The following KDM4C variants were observed in gnomAD, a reference collection of about 807,000 sequenced individuals.
The protein encoded by KDM4C is lysine-specific demethylase 4C.
In KDM4C, 81 loss-of-function variants were observed where a neutral mutation model predicts 129.3. The ratio of observed to expected loss-of-function variants is 0.63; its 90% CI spans 0.52 to 0.75. The LOEUF is 0.75. Ranked by LOEUF, KDM4C falls within the 30% of genes least tolerant of loss-of-function variation. The pLI is 0.00. For missense variants in KDM4C, 1,457 were observed against 1,304.0 expected (o/e 1.12, Z -1.81); for synonymous variants, 573 against 456.1 (o/e 1.26, Z -3.26).
intron 6 of KDM4C, among the ~76,000 whole-genome samples, chr9:6,882,107 G>C (rs1029569271): frequency 1.3e-5 from 2 of 152,146 alleles, no homozygotes; most frequent in Non-Finnish European, 2.9e-5. Context: ...ATCTAATAAA[G>C]CCAGGAGTTT....
At chr9:7,013,761 C>G (rs909002518) in intron 13 of KDM4C, 27 bp from the exon 14 acceptor site, 12 of 1,604,862 alleles carry the variant, frequency 7.5e-6, no homozygotes, top group Non-Finnish European at 1.0e-5. Context: ...ATGTTTTTCA[C>G]TCATGTGGAA....
Position 7,128,792 on chromosome 9 carries a change from G to A in KDM4C, c.2781+556G>A, listed in dbSNP as rs1368811694. Among the ~76,000 whole-genome samples the A allele has an allele frequency of 5.9e-5, 9 of 151,778 alleles. No homozygotes were observed. In the South Asian group the frequency reaches 1.3e-3, roughly 22 times the overall value. On this transcript the variant is annotated intron_variant, in intron 19 of 21. Coordinates refer to ENST00000381309, the MANE Select transcript of KDM4C (RefSeq NM_015061.6). ...ACTCTGTGTGTGTGTGTGCGTGCGC[G>A]TGTGTGTGTGTCTGGCTGTCTTGTT...
chr9:6,932,731 T>C (rs956821383), intron 8 of KDM4C, among the ~76,000 whole-genome samples: 13 of 152,184 alleles, frequency 8.5e-5, no homozygotes, highest in African/African-American at 3.1e-4. Flanking sequence ...TTTTGTCTCA[T>C]AAAGGACATT....
intron 19 of KDM4C, among the ~76,000 whole-genome samples, chr9:7,144,120 TTTTG>T (rs1009176892): frequency 6.6e-6 from 1 of 151,934 alleles, no homozygotes; most frequent in African/African-American, 2.4e-5. Flanking sequence ...TTGTTTTTGT[TTTTG>T]TTTTTTTTGT....
intron 8 of KDM4C, among the ~76,000 whole-genome samples, chr9:6,939,976 ACCTTCCTTCCTTCCTTCCTT>A (rs1186438155): frequency 4.0e-4 from 37 of 93,480 alleles, no homozygotes; most frequent in Non-Finnish European, 6.7e-4. Flanking sequence ...CTACCTACCT[ACCTTCCTTCCTTCCTTCCTT>A]CCTTCCTTCC....
chr9:6,759,559 C>T (rs375591429), intron 1 of KDM4C, among the ~76,000 whole-genome samples: 10 of 152,272 alleles, frequency 6.6e-5, no homozygotes, highest in African/African-American at 2.4e-4. Flanking sequence ...AAAGTTTTCA[C>T]ATAAGCTTTA....
chr9:7,147,689 G>T (rs1465268665), intron 19 of KDM4C, among the ~76,000 whole-genome samples: 1 of 152,236 alleles, frequency 6.6e-6, no homozygotes, highest in Non-Finnish European at 1.5e-5. Flanking sequence ...CAGGGCCGAT[G>T]TTGGCTCTCT....
intron 19 of KDM4C, among the ~76,000 whole-genome samples, chr9:7,128,551 T>G (rs1467183550): frequency 6.6e-6 from 1 of 152,214 alleles, no homozygotes; most frequent in Non-Finnish European, 1.5e-5. Context: ...CCATAGCAGA[T>G]ATGAATCCAC....
chr9:6,799,632 TTTTTC>T (rs1362447040), intron 2 of KDM4C, among the ~76,000 whole-genome samples: 146 of 145,926 alleles, frequency 1.0e-3, no homozygotes, highest in African/African-American at 3.5e-3. Context: ...AGAGGGCTCT[TTTTTC>T]TTTTCTTTTT....
intron 6 of KDM4C, among the ~76,000 whole-genome samples, chr9:6,884,457 G>C (rs750988724): frequency 6.6e-6 from 1 of 151,862 alleles, no homozygotes; most frequent in African/African-American, 2.4e-5. Context: ...CCTTTTTCTT[G>C]TATTCTTTTC....
intron 8 of KDM4C, among the ~76,000 whole-genome samples, chr9:6,930,144 A>G (rs1347977485): frequency 2.0e-5 from 3 of 152,216 alleles, no homozygotes; most frequent in African/African-American, 7.2e-5. Flanking sequence ...CCCTGCAGAA[A>G]TTAAATTATT....
intron 8 of KDM4C, among the ~76,000 whole-genome samples, chr9:6,963,255 CAA>C (rs1563894732): frequency 6.6e-6 from 1 of 152,128 alleles, no homozygotes; most frequent in African/African-American, 2.4e-5. Flanking sequence ...AAATACTAGA[CAA>C]ATGCTTTTAG....
At chr9:6,804,191 C>G (rs949377528) in intron 2 of KDM4C, among the ~76,000 whole-genome samples, 30 of 152,318 alleles carry the variant, frequency 2.0e-4, no homozygotes, top group African/African-American at 6.7e-4. Context: ...TCTTTTCACT[C>G]TTAGTAATTA....
intron 1 of KDM4C, among the ~76,000 whole-genome samples, chr9:6,721,650 G>A (rs1188676926): frequency 7.3e-5 from 11 of 149,894 alleles, no homozygotes; most frequent in African/African-American, 2.0e-4. Context: ...GTGCAGTGGC[G>A]TGGTCTCGGC....
chr9:7,053,413 A>G (rs922047629), intron 17 of KDM4C, among the ~76,000 whole-genome samples: 5 of 152,190 alleles, frequency 3.3e-5, no homozygotes, highest in African/African-American at 1.2e-4. Flanking sequence ...TTTTTAAAAA[A>G]TGACAACTAA....
rs1817705515 is a variant in KDM4C, at chr9:6,986,393, T to C, written c.1404T>C (p.Asp468=). 1 of 1,613,712 alleles carries C rather than the reference T, an allele frequency of 6.2e-7. No individual in the cohort carries two copies. Among genetic ancestry groups the C allele is most frequent in the African/African-American group, 1.3e-5 (1 of 74,922 alleles). Residue 468 remains aspartate, a synonymous_variant, in exon 11 of 22, where the codon GAT becomes GAC. Transcript: ENST00000381309. Reference sequence around the variant, plus strand: ...TAACAGAAGACATAAAAACTGAGGATGACAAAGCTTATGCATATAGAAGTG... The same window carrying C: ...TAACAGAAGACATAAAAACTGAGGACGACAAAGCTTATGCATATAGAAGTG... ...TSVTEDIKTE[D]DKAYAYRSVP... is the part of the protein sequence containing the mutation.
intron 19 of KDM4C, among the ~76,000 whole-genome samples, chr9:7,156,311 C>A (rs953293738): frequency 2.6e-5 from 4 of 152,192 alleles, no homozygotes; most frequent in African/African-American, 9.7e-5. Flanking sequence ...GTTGCCTGTT[C>A]ACTCTAATGG....
chr9:7,122,259 A>ACTCTCT (rs1252407890), intron 18 of KDM4C, among the ~76,000 whole-genome samples: 16 of 100,510 alleles, frequency 1.6e-4, no homozygotes, highest in Non-Finnish European at 2.5e-4. Context: ...ACACACACAC[A>ACTCTCT]CACACACTCT....
intron 1 of KDM4C, among the ~76,000 whole-genome samples, chr9:6,775,016 A>G (rs1405449620): frequency 6.6e-6 from 1 of 151,970 alleles, no homozygotes; most frequent in Non-Finnish European, 1.5e-5. Context: ...ATCCATATTT[A>G]TTTTCTTTTT....
Sources: gnomAD v4.1 joint callset for allele counts (sites outside exome capture counted in the v4.1 genomes callset) on GRCh38, gnomAD v4.1.1 for gene constraint, MANE v1.5 for transcripts, NCBI Gene and HGNC (gene_info 2026-07-23, HGNC 2026-07-21) for gene names.